SLC7A5: variants seen among roughly 807,000 people sequenced by gnomAD.
The protein encoded by SLC7A5 is large neutral amino acids transporter small subunit 1.
Under a neutral mutation model 50.2 loss-of-function variants are expected in SLC7A5, and 23 were observed. The ratio of observed to expected loss-of-function variants is 0.46; its 90% CI spans 0.33 to 0.65. The LOEUF is 0.65. SLC7A5 is among the 30% of genes least tolerant of loss of function. The pLI, the probability that SLC7A5 is intolerant of heterozygous loss-of-function variation, is 0.02. For missense variants in SLC7A5, 578 were observed against 684.4 expected (o/e 0.84, Z 1.73); for synonymous variants, 393 against 330.6 (o/e 1.19, Z -2.05).
At chr16:87,863,310 C>G (rs533218250) in intron 1 of SLC7A5, among the ~76,000 whole-genome samples, 2 of 152,100 alleles carry the variant, frequency 1.3e-5, no homozygotes, top group African/African-American at 4.8e-5. Flanking sequence ...GGATCAGTGC[C>G]GGGCCACAGT....
intron 1 of SLC7A5, among the ~76,000 whole-genome samples, chr16:87,868,462 T>A (rs1333579775): frequency 1.3e-5 from 2 of 152,250 alleles, no homozygotes; most frequent in East Asian, 3.8e-4. Context: ...AATGATTTTT[T>A]TTTTAACTGC....
intron 3 of SLC7A5, 73 bp from the exon 4 acceptor site, chr16:87,840,546 C>G: frequency 3.0e-6 from 4 of 1,315,448 alleles, no homozygotes; most frequent in Non-Finnish European, 3.3e-6. Flanking sequence ...GAGAGAGCAT[C>G]CCAGGGCAGC....
intron 7 of SLC7A5, chr16:87,837,273 C>T (rs1394122964): frequency 5.3e-6 from 1 of 189,126 alleles, no homozygotes; most frequent in Non-Finnish European, 1.1e-5. Flanking sequence ...GGCCTGCAGC[C>T]CACAGCCCTG....
At chr16:87,855,045 C>T (rs2143801319) in intron 1 of SLC7A5, among the ~76,000 whole-genome samples, 1 of 152,376 alleles carries the variant, frequency 6.6e-6, no homozygotes, top group South Asian at 2.1e-4. Context: ...GGCCAGGACA[C>T]CTGTCACAGT....
At chr16:87,863,497 T>C (rs1051810869) in intron 1 of SLC7A5, 1 of 152,152 alleles carries the variant, frequency 6.6e-6, no homozygotes, top group African/African-American at 2.4e-5. Context: ...CTGCCAAGTC[T>C]TCGTTAAGCA....
Position 87,839,801 on chromosome 16 carries a change from G to C in SLC7A5, c.840C>G (p.Ile280Met). Residue 280 changes from isoleucine to methionine, a missense_variant, in exon 5 of 10, where the codon ATC becomes ATG. Physicochemically the swap from Ile to Met is conservative, Grantham distance 10. Coordinates refer to ENST00000261622, the MANE Select transcript of SLC7A5 (RefSeq NM_003486.7). Reference sequence around the variant, plus strand: ...ACACCAGCGTCACGATGGGCAGGGAGATGATGATGGCCAGGGGCAGGTTTC... The same window carrying C: ...ACACCAGCGTCACGATGGGCAGGGACATGATGATGGCCAGGGGCAGGTTTC... ...PYRNLPLAII[I>M]SLPIVTLVYV... 6.2e-7 allele frequency: 1 copy of C among 1,613,984 alleles called. No homozygotes were observed. Among genetic ancestry groups the C allele is most frequent in the Non-Finnish European group, 8.5e-7 (1 of 1,179,976 alleles).
At chr16:87,854,072 GCCC>G (rs1203086627) in intron 1 of SLC7A5, 10 of 89,506 alleles carry the variant, frequency 1.1e-4, no homozygotes, top group African/African-American at 3.5e-4. Context: ...GGACCCCCCC[GCCC>G]CCCCCCCCAC....
At chr16:87,843,701 G>A (rs940394789) in intron 2 of SLC7A5, among the ~76,000 whole-genome samples, 8 of 152,290 alleles carry the variant, frequency 5.3e-5, no homozygotes, top group Admixed American at 2.6e-4. Flanking sequence ...TCACGACGGC[G>A]GGGTGCGGCG....
intron 1 of SLC7A5, chr16:87,863,540 A>C (rs1374108109): frequency 6.6e-6 from 1 of 152,192 alleles, no homozygotes; most frequent in Non-Finnish European, 1.5e-5. Flanking sequence ...TGTCATGCCA[A>C]GTTCCATATG....
At chr16:87,843,081 G>A (rs936584183) in intron 2 of SLC7A5, among the ~76,000 whole-genome samples, 1 of 152,184 alleles carries the variant, frequency 6.6e-6, no homozygotes, top group African/African-American at 2.4e-5. Context: ...GGGAGGGGGT[G>A]AAGGTGAGCC....
rs375439371 is a variant in SLC7A5, at chr16:87,851,882, G to A, written c.539-33C>T. The A allele has an allele frequency of 3.7e-5, 59 of 1,611,800 alleles. No individual in the cohort carries two copies. The African/African-American group carries it at 4.0e-4, about 11-fold the overall frequency. On this transcript the variant is annotated intron_variant, in intron 1 of 9. Coordinates refer to ENST00000261622, the MANE Select transcript of SLC7A5 (RefSeq NM_003486.7). ...GACAGAGGGCAGCGGTGAGTTCCAC[G>A]GGCAGACAGACGCCAGCTCAGGGGT...
chr16:87,860,341 T>TATACACAC lies in SLC7A5; in HGVS notation c.539-8493_539-8492insGTGTGTAT, dbSNP rs1240902402. On this transcript the variant is annotated intron_variant, in intron 1 of 9. Coordinates refer to ENST00000261622, the MANE Select transcript of SLC7A5 (RefSeq NM_003486.7). This position sits in a 1 kb window ranked among gnomAD's most constrained non-coding sequence, Gnocchi z 4.8. ...AAAGCATCTCAAAAAAAAAAAAAAA[T>TATACACAC]ACACACACACACACACACACACACA... is the stretch of plus-strand genomic sequence containing the variant. Among the ~76,000 whole-genome samples the TATACACAC allele has an allele frequency of 3.5e-5, 3 of 86,200 alleles. No individual in the cohort carries two copies. Among genetic ancestry groups the TATACACAC allele is most frequent in the African/African-American group, 1.0e-4 (2 of 19,908 alleles). The allele number at this position is 86,200 out of a possible 152,430, so 56.6% of individuals were successfully genotyped here. A position where few individuals can be genotyped will look rare whatever the true frequency, so the allele number is the denominator to read the frequency against.
At chr16:87,836,838 A>G (rs2055010887) in intron 7 of SLC7A5, 191 bp from the exon 8 acceptor site, 14 of 388,232 alleles carry the variant, frequency 3.6e-5, no homozygotes, top group South Asian at 3.8e-5. Flanking sequence ...GAGGGAGGAG[A>G]GGAGGAGGGA....
At chr16:87,847,302 A>T (rs1174588701) in intron 2 of SLC7A5, among the ~76,000 whole-genome samples, 1 of 152,134 alleles carries the variant, frequency 6.6e-6, no homozygotes, top group Non-Finnish European at 1.5e-5. Flanking sequence ...GTGACCACTG[A>T]GGGGGCCTTT....
Position 87,832,965 on chromosome 16 carries a change from C to G in SLC7A5, c.*5G>C, listed in dbSNP as rs778057796. 10 of 1,612,996 alleles carry G rather than the reference C, an allele frequency of 6.2e-6. No individual in the cohort carries two copies. In the East Asian group the frequency reaches 1.8e-4, roughly 29 times the overall value. ...TGCTCCTCCGGCAGCCACTCGGCCT[C>G]CTGGCTATGTCTCCTGGGGGACCAC... On this transcript the variant is annotated 3_prime_UTR_variant, in exon 10 of 10. Coordinates refer to ENST00000261622, the MANE Select transcript of SLC7A5 (RefSeq NM_003486.7). This position sits in a 1 kb window ranked among gnomAD's most constrained non-coding sequence, Gnocchi z 4.6.
chr16:87,856,902 A>G (rs2055328940), intron 1 of SLC7A5, among the ~76,000 whole-genome samples: 1 of 152,198 alleles, frequency 6.6e-6, no homozygotes, highest in Non-Finnish European at 1.5e-5. Flanking sequence ...CGGGAGATGG[A>G]GACAACACAT....
At chr16:87,864,180 T>C (rs1223462139) in intron 1 of SLC7A5, among the ~76,000 whole-genome samples, 1 of 150,602 alleles carries the variant, frequency 6.6e-6, no homozygotes, top group Non-Finnish European at 1.5e-5. Context: ...TAATCCCAGC[T>C]ACTCGGGAGG....
In SLC7A5 at chr16:87,847,850, A is replaced by G. The variant is rs111487464; in HGVS notation, c.664+3874T>C. 1.4e-3 allele frequency among the ~76,000 whole-genome samples: 214 copies of G among 152,210 alleles called. 1 individual carries two copies. The highest frequency in any genetic ancestry group is 4.9e-3 in the African/African-American group (203 of 41,506). ...GGAAAACCATCATTTCAAAACTGTC[A>G]CGTGACACACAAATGCAGGCCCCTG... On this transcript the variant is annotated intron_variant, in intron 2 of 9. Transcript: ENST00000261622.
At chr16:87,863,255 A>G (rs2055421231) in intron 1 of SLC7A5, among the ~76,000 whole-genome samples, 1 of 152,174 alleles carries the variant, frequency 6.6e-6, no homozygotes, top group African/African-American at 2.4e-5. Flanking sequence ...TGAGGCCCAC[A>G]GCATCTTCTG....
Sources: gnomAD v4.1 joint callset for allele counts (sites outside exome capture counted in the v4.1 genomes callset) on GRCh38, gnomAD v4.1.1 for gene constraint, Gnocchi (gnomAD v3.1) non-coding constraint, MANE v1.5 for transcripts, NCBI Gene and HGNC (gene_info 2026-07-23, HGNC 2026-07-21) for gene names.